LARGE1: variants seen among roughly 807,000 people sequenced by gnomAD.
LARGE1 encodes xylosyl- and glucuronyltransferase LARGE1.
A neutral mutation model predicts 87.6 loss-of-function variants in LARGE1; 43 were observed. The ratio of observed to expected loss-of-function variants is 0.49; its 90% confidence interval spans 0.38 to 0.63. The LOEUF (loss-of-function observed/expected upper bound fraction) is 0.63, where lower values mean the gene tolerates loss of function less well. Among genes scored for constraint, LARGE1 ranks in the 30% least tolerant of loss-of-function variants. LARGE1 has a pLI of 0.00. For missense variants in LARGE1, 802 were observed against 1,000.2 expected, an observed-to-expected ratio of 0.80 and a Z score of 2.67; for synonymous variants, 434 against 394.6, an observed-to-expected ratio of 1.10 and a Z score of -1.18.
At chr22:33,711,110 G>A (rs1409127444) in intron 2 of LARGE1, among the ~76,000 whole-genome samples, 1 of 152,218 alleles carries the variant, frequency 6.6e-6, no homozygotes, top group South Asian at 2.1e-4. Context: ...GACAAACACC[G>A]AGCTCCAGCT....
chr22:33,486,128 T>C (rs2069562023), intron 6 of LARGE1, among the ~76,000 whole-genome samples: 1 of 152,242 alleles, frequency 6.6e-6, no homozygotes, highest in African/African-American at 2.4e-5. Context: ...TTGGCTCTCG[T>C]GTCAGCTCTG....
intron 11 of LARGE1, among the ~76,000 whole-genome samples, chr22:33,205,948 CTTTTTT>C (rs386395258): frequency 5.9e-5 from 5 of 84,988 alleles, no homozygotes; most frequent in Admixed American, 1.6e-4. Flanking sequence ...CATGCTAATT[CTTTTTT>C]TTTTTTTTTT....
intron 1 of LARGE1, among the ~76,000 whole-genome samples, chr22:33,791,327 A>C (rs2085817317): frequency 6.6e-6 from 1 of 152,230 alleles, no homozygotes; most frequent in Admixed American, 6.5e-5. Flanking sequence ...TTAAAAAAGC[A>C]TGATCCTTTG....
At chr22:33,684,473 A>G (rs568652544) in intron 2 of LARGE1, among the ~76,000 whole-genome samples, 1 of 151,788 alleles carries the variant, frequency 6.6e-6, no homozygotes, top group Non-Finnish European at 1.5e-5. Flanking sequence ...TCACCCTGAG[A>G]ACCTTTCCTT....
At chr22:33,299,439 G>A (rs979758408) in intron 12 of LARGE1, among the ~76,000 whole-genome samples, 1 of 152,130 alleles carries the variant, frequency 6.6e-6, no homozygotes, top group African/African-American at 2.4e-5. Context: ...CATAGTACAT[G>A]CTCACTACAC....
chr22:33,841,916 G>T (rs1442279766), intron 1 of LARGE1, among the ~76,000 whole-genome samples: 1 of 152,156 alleles, frequency 6.6e-6, no homozygotes, highest in African/African-American at 2.4e-5. Flanking sequence ...AAAAATAGTG[G>T]CAAATTATTT....
At chr22:33,716,220 T>G (rs2082902898) in intron 2 of LARGE1, among the ~76,000 whole-genome samples, 1 of 152,206 alleles carries the variant, frequency 6.6e-6, no homozygotes, top group South Asian at 2.1e-4. Flanking sequence ...TTTGAATTTA[T>G]GATAATAAAT....
intron 10 of LARGE1, among the ~76,000 whole-genome samples, chr22:33,333,185 A>AT (rs1454429449): frequency 6.6e-6 from 1 of 151,878 alleles, no homozygotes; most frequent in Non-Finnish European, 1.5e-5. Flanking sequence ...AAGCTCGGCT[A>AT]TTTTTTTGTA....
chr22:33,550,196 T>C (rs531206954), intron 6 of LARGE1, among the ~76,000 whole-genome samples: 95 of 151,922 alleles, frequency 6.3e-4, no homozygotes, highest in Non-Finnish European at 1.1e-3. Flanking sequence ...TATGTATGTA[T>C]GTATATATAT....
intron 4 of LARGE1, among the ~76,000 whole-genome samples, chr22:33,616,037 T>A (rs991885540): frequency 6.6e-6 from 1 of 152,168 alleles, no homozygotes; most frequent in Non-Finnish European, 1.5e-5. Flanking sequence ...TTTGCAGATA[T>A]TGGAACCCTC....
intron 2 of LARGE1, among the ~76,000 whole-genome samples, chr22:33,679,842 C>G (rs957260369): frequency 2.0e-5 from 3 of 150,670 alleles, no homozygotes; most frequent in Non-Finnish European, 4.4e-5. Flanking sequence ...AACTCTGTCT[C>G]AAAAAACAAA....
chr22:33,136,556 C>A, the LARGE1 span, among the ~76,000 whole-genome samples: 9 of 152,102 alleles, frequency 5.9e-5, no homozygotes, highest in African/African-American at 1.9e-4. Flanking sequence ...ACCAACAAAG[C>A]AATATTTTTT....
intron 11 of LARGE1, among the ~76,000 whole-genome samples, chr22:33,305,844 C>CTTTTTTT (rs111657762): frequency 2.9e-5 from 4 of 136,906 alleles, no homozygotes; most frequent in Admixed American, 1.5e-4. Context: ...TTTTCTTTTT[C>CTTTTTTT]TTTTTTTTTT....
At chr22:33,787,999 CCT>C (rs2085705653) in intron 1 of LARGE1, among the ~76,000 whole-genome samples, 1 of 152,098 alleles carries the variant, frequency 6.6e-6, no homozygotes, top group Admixed American at 6.6e-5. Context: ...TTCATGAAAC[CCT>C]GCCCAGTAAA....
intron 11 of LARGE1, among the ~76,000 whole-genome samples, chr22:33,225,013 G>A (rs1315195659): frequency 6.6e-6 from 1 of 152,218 alleles, no homozygotes; most frequent in African/African-American, 2.4e-5. Context: ...GGAAACCCAG[G>A]TAATTCTATA....
chr22:33,663,426 C>T (rs1411173304), intron 2 of LARGE1, among the ~76,000 whole-genome samples: 1 of 152,164 alleles, frequency 6.6e-6, no homozygotes, highest in Non-Finnish European at 1.5e-5. Flanking sequence ...CAACTCAATA[C>T]CACTATAAGG....
chr22:33,637,410 G>C (rs1324587027), intron 3 of LARGE1, among the ~76,000 whole-genome samples: 1 of 152,154 alleles, frequency 6.6e-6, no homozygotes, highest in African/African-American at 2.4e-5. Context: ...CAGAGATATG[G>C]TCCCTTGCCT....
At chr22:33,889,232 C>T (rs2064941153) in intron 1 of LARGE1, 1 of 152,126 alleles carries the variant, frequency 6.6e-6, no homozygotes, top group Non-Finnish European at 1.5e-5. Context: ...GATTCTTATT[C>T]TATTGTATTG....
intron 6 of LARGE1, among the ~76,000 whole-genome samples, chr22:33,467,401 C>T (rs962101176): frequency 6.6e-6 from 1 of 152,212 alleles, no homozygotes; most frequent in African/African-American, 2.4e-5. Flanking sequence ...GCTGCATCTT[C>T]CAACTTTTTG....
Sources: allele counts gnomAD v4.1 joint callset (sites outside exome capture counted in the v4.1 genomes callset), GRCh38; gene constraint gnomAD v4.1.1; transcripts MANE v1.5; gene names NCBI Gene and HGNC (gene_info 2026-07-23, HGNC 2026-07-21).